The following ARMH4 variants were observed in gnomAD, a reference collection of about 807,000 sequenced individuals.
ARMH4 encodes the protein armadillo-like helical domain-containing protein 4.
ARMH4 carries 49 observed loss-of-function variants against 61.9 expected under a neutral mutation model. The ratio of observed to expected loss-of-function variants is 0.79; its 90% CI spans 0.63 to 1.00. The LOEUF is 1.00. Among genes scored for constraint, ARMH4 ranks in the 50% least tolerant of loss-of-function variants. ARMH4 has a pLI of 0.00. For synonymous variants in ARMH4, 368 were observed against 341.5 expected (o/e 1.08, Z -0.85); for missense variants, 934 against 930.0 (o/e 1.00, Z -0.06).
chr14:58,145,635 A>G (rs1212093313), intron 1 of ARMH4, among the ~76,000 whole-genome samples: 1 of 152,220 alleles, frequency 6.6e-6, no homozygotes, highest in Non-Finnish European at 1.5e-5. Flanking sequence ...CGTGAAGGGA[A>G]TTCTGCTATT....
intron 5 of ARMH4, among the ~76,000 whole-genome samples, chr14:58,089,841 T>A (rs1427246573): frequency 2.0e-5 from 3 of 152,188 alleles, no homozygotes; most frequent in Non-Finnish European, 4.4e-5. Flanking sequence ...TAAGTGATAA[T>A]TCAGTCCCTC....
At chr14:58,073,461 ACCTATT>A (rs750832112) in intron 5 of ARMH4, among the ~76,000 whole-genome samples, 6 of 152,100 alleles carry the variant, frequency 3.9e-5, no homozygotes, top group Admixed American at 6.6e-5. Flanking sequence ...ATTACTGAAC[ACCTATT>A]CTGGTGTGGG....
At chr14:58,085,587 TC>T (rs1467122484) in intron 5 of ARMH4, among the ~76,000 whole-genome samples, 3 of 152,162 alleles carry the variant, frequency 2.0e-5, no homozygotes, top group Non-Finnish European at 4.4e-5. Context: ...TGCTGAATTT[TC>T]CCATAAGAAA....
At chr14:58,139,525 A>C in intron 1 of ARMH4, 111 bp from the exon 2 acceptor site, 1 of 657,440 alleles carries the variant, frequency 1.5e-6, no homozygotes, top group Non-Finnish European at 2.6e-6. Flanking sequence ...ATACACAGAG[A>C]TGGTAGGTAG....
intron 5 of ARMH4, among the ~76,000 whole-genome samples, chr14:58,015,055 G>C (rs549816628): frequency 6.6e-6 from 1 of 152,278 alleles, no homozygotes; most frequent in African/African-American, 2.4e-5. Flanking sequence ...GGCACTGATA[G>C]GCTTGTGTAC....
intron 1 of ARMH4, among the ~76,000 whole-genome samples, chr14:58,140,888 A>G (rs1887525089): frequency 6.6e-6 from 1 of 152,130 alleles, no homozygotes; most frequent in African/African-American, 2.4e-5. Context: ...GGGCGACAAG[A>G]GTGAAACTCC....
chr14:58,105,302 C>A (rs866737114), intron 4 of ARMH4, among the ~76,000 whole-genome samples: 11 of 152,190 alleles, frequency 7.2e-5, no homozygotes, highest in African/African-American at 2.6e-4. Context: ...TCATCTGAAC[C>A]CCAAATAAGA....
chr14:58,095,294 C>G (rs895406696), intron 5 of ARMH4, among the ~76,000 whole-genome samples: 1 of 152,180 alleles, frequency 6.6e-6, no homozygotes, highest in African/African-American at 2.4e-5. Context: ...CATGATACCT[C>G]CATAGTATAA....
At chr14:58,122,600 C>T (rs1886762992) in intron 4 of ARMH4, among the ~76,000 whole-genome samples, 2 of 151,932 alleles carry the variant, frequency 1.3e-5, no homozygotes, top group African/African-American at 2.4e-5. Context: ...TCAGGAGGAG[C>T]GGTGGAACAG....
intron 5 of ARMH4, among the ~76,000 whole-genome samples, chr14:58,050,522 C>T (rs1386642351): frequency 1.3e-5 from 2 of 152,158 alleles, no homozygotes; most frequent in Non-Finnish European, 2.9e-5. Flanking sequence ...GGAAACAAAG[C>T]ACAGACATGA....
At chr14:58,131,819 A>G (rs543323320) in intron 3 of ARMH4, 98 bp from the exon 4 acceptor site, 34 of 1,120,858 alleles carry the variant, frequency 3.0e-5, no homozygotes, top group Middle Eastern at 5.9e-4. Flanking sequence ...GATTAAACCA[A>G]TATCATACAA....
intron 5 of ARMH4, among the ~76,000 whole-genome samples, chr14:58,050,622 CT>C: frequency 6.6e-6 from 1 of 151,614 alleles, no homozygotes; most frequent in East Asian, 1.9e-4. Flanking sequence ...AGGTTTGCCT[CT>C]TTTTTTCTGT....
At position 58,143,555 on chromosome 14, in the gene ARMH4, C is replaced by T. The variant is rs529585467; in HGVS notation, c.-56-4141G>A. Among the ~76,000 whole-genome samples the T allele has an allele frequency of 2.4e-4, 36 of 152,196 alleles. No homozygotes were observed. The South Asian group carries it at 2.5e-3, about 11-fold the overall frequency. ...CTCGGCTCGCTGCAACCTCTGTCAC[C>T]CAGGTTCAAGTGATTCTCCTGCCTC... On this transcript the variant is annotated intron_variant, in intron 1 of 7. Transcript: ENST00000267485.
chr14:58,009,622 C>A (rs999457127), intron 6 of ARMH4, among the ~76,000 whole-genome samples: 1 of 152,062 alleles, frequency 6.6e-6, no homozygotes, highest in African/African-American at 2.4e-5. Flanking sequence ...ACCACCCTGG[C>A]CAACATGGTA....
At chr14:58,053,153 T>C (rs964156099) in intron 5 of ARMH4, among the ~76,000 whole-genome samples, 1 of 152,200 alleles carries the variant, frequency 6.6e-6, no homozygotes, top group Non-Finnish European at 1.5e-5. Flanking sequence ...CTTCCTCACA[T>C]CTATTCTTGT....
intron 5 of ARMH4, among the ~76,000 whole-genome samples, chr14:58,075,556 G>C (rs911297473): frequency 1.3e-5 from 2 of 149,970 alleles, no homozygotes; most frequent in African/African-American, 4.9e-5. Flanking sequence ...TGAACCATGA[G>C]AACACACGGA....
At chr14:58,041,129 G>A (rs1279796311) in intron 5 of ARMH4, among the ~76,000 whole-genome samples, 1 of 152,156 alleles carries the variant, frequency 6.6e-6, no homozygotes, top group Non-Finnish European at 1.5e-5. Context: ...GACAGTGGGT[G>A]CAGCACACTG....
At chr14:58,032,896 G>A (rs549073486) in intron 5 of ARMH4, among the ~76,000 whole-genome samples, 2 of 151,988 alleles carry the variant, frequency 1.3e-5, no homozygotes, top group African/African-American at 2.4e-5. Context: ...GGCTCGGAGG[G>A]TCCTACGCCC....
chr14:58,139,448 T>A (rs1887457682), intron 1 of ARMH4, 34 bp from the exon 2 acceptor site: 1 of 1,169,732 alleles, frequency 8.5e-7, no homozygotes, highest in East Asian at 2.4e-5. Context: ...AACTGTCATA[T>A]AAATACATGT....
Sources: allele counts gnomAD v4.1 joint callset (sites outside exome capture counted in the v4.1 genomes callset), GRCh38; gene constraint gnomAD v4.1.1; transcripts MANE v1.5; gene names NCBI Gene and HGNC (gene_info 2026-07-23, HGNC 2026-07-21).